HTR1F: variants seen among roughly 807,000 people sequenced by gnomAD.
HTR1F encodes 5-hydroxytryptamine (serotonin) receptor 1F, G protein-coupled.
A neutral mutation model predicts 24.0 loss-of-function variants in HTR1F; 17 were observed. The ratio of observed to expected loss-of-function variants is 0.71; its 90% CI spans 0.48 to 1.06. The LOEUF (loss-of-function observed/expected upper bound fraction) is 1.06. HTR1F is among the 50% of genes least tolerant of loss of function. The probability of loss-of-function intolerance (pLI) is 0.00; values close to 1 mark genes in which losing one functional copy is unlikely to be tolerated. For synonymous variants in HTR1F, 186 were observed against 156.8 expected, an observed-to-expected ratio of 1.19 and a Z score of -1.39; for missense variants, 391 against 427.8, an observed-to-expected ratio of 0.91 and a Z score of 0.76.
intron 2 of HTR1F, among the ~76,000 whole-genome samples, chr3:87,836,083 TA>T (rs1335304096): frequency 5.9e-5 from 9 of 152,356 alleles, no homozygotes; most frequent in African/African-American, 2.2e-4. Flanking sequence ...ATCATCCATT[TA>T]TTTTATTATC....
At chr3:87,823,217 T>G (rs2932297) in intron 2 of HTR1F, among the ~76,000 whole-genome samples, 20,696 of 152,178 alleles carry the variant, frequency 0.14, 4,392 homozygotes, top group African/African-American at 0.46. Flanking sequence ...TATTGCAAAT[T>G]TTGTAACAGT....
intron 2 of HTR1F, among the ~76,000 whole-genome samples, chr3:87,883,999 C>A (rs749629380): frequency 6.6e-6 from 1 of 152,086 alleles, no homozygotes; most frequent in African/African-American, 2.4e-5. Flanking sequence ...GAGAAAACCA[C>A]AAAGGTACTC....
At chr3:87,831,330 AATTATTATTATTATTATTATTATT>A (rs58022545) in intron 2 of HTR1F, among the ~76,000 whole-genome samples, 10 of 142,418 alleles carry the variant, frequency 7.0e-5, no homozygotes, top group African/African-American at 1.6e-4. Flanking sequence ...GATATTAAGA[AATTATTATTATTATTATTATTATT>A]ATTATTATTA....
chr3:87,806,143 C>G (rs1180504635), intron 1 of HTR1F, among the ~76,000 whole-genome samples: 1 of 152,010 alleles, frequency 6.6e-6, no homozygotes. Context: ...CCCACATTTT[C>G]TTTATTCATC....
rs1324565383 is a variant in HTR1F, at chr3:87,901,524, T to C, written c.-43+79400T>C. Among the ~76,000 whole-genome samples, 5 of 152,138 alleles carry C rather than the reference T, an allele frequency of 3.3e-5. 1 individual carries two copies. The highest frequency in any genetic ancestry group is 2.0e-4 in the Admixed American group (3 of 15,260). The stretch of plus-strand genomic sequence containing the variant: ...GTTGTACAAGCCACCCAATAAGTAG[T>C]AGTGGCCTGAGATTTTCTAGACTTC... On this transcript the variant is annotated intron_variant, in intron 2 of 2. Coordinates refer to ENST00000319595, the MANE Select transcript of HTR1F (RefSeq NM_001322209.2).
At chr3:87,799,824 G>A (rs1703964928) in intron 1 of HTR1F, among the ~76,000 whole-genome samples, 1 of 152,094 alleles carries the variant, frequency 6.6e-6, no homozygotes, top group Non-Finnish European at 1.5e-5. Flanking sequence ...CCCTCAAGAT[G>A]GTAACATGGA....
chr3:87,849,377 A>T (rs1185335534), intron 2 of HTR1F, among the ~76,000 whole-genome samples: 2 of 151,722 alleles, frequency 1.3e-5, no homozygotes, highest in East Asian at 3.8e-4. Flanking sequence ...CTATTTAATA[A>T]ATGGTGCTGG....
intron 2 of HTR1F, among the ~76,000 whole-genome samples, chr3:87,989,552 A>T (rs746576711): frequency 6.1e-4 from 93 of 152,056 alleles, no homozygotes; most frequent in Admixed American, 2.0e-3. Context: ...GGATATACTA[A>T]TTTTTTTTGC....
chr3:87,843,601 C>T (rs1165114052), intron 2 of HTR1F, among the ~76,000 whole-genome samples: 10 of 150,112 alleles, frequency 6.7e-5, no homozygotes, highest in African/African-American at 2.5e-4. Context: ...CATATGTATA[C>T]ATGTGCCATG....
At chr3:87,931,354 C>T (rs989988396) in intron 2 of HTR1F, among the ~76,000 whole-genome samples, 4 of 152,102 alleles carry the variant, frequency 2.6e-5, no homozygotes, top group African/African-American at 9.7e-5. Flanking sequence ...CAATTTCATC[C>T]ATGTCCCTAC....
chr3:87,855,220 T>C (rs1241854945), intron 2 of HTR1F, among the ~76,000 whole-genome samples: 1 of 152,102 alleles, frequency 6.6e-6, no homozygotes, highest in African/African-American at 2.4e-5. Context: ...CCTTGTGCTC[T>C]TGAAGGCTTA....
intron 2 of HTR1F, among the ~76,000 whole-genome samples, chr3:87,883,143 G>A (rs1705847923): frequency 1.3e-5 from 2 of 152,222 alleles, no homozygotes; most frequent in Non-Finnish European, 2.9e-5. Context: ...AATATTTGCT[G>A]TTCTGCAGCC....
intron 2 of HTR1F, among the ~76,000 whole-genome samples, chr3:87,989,970 A>C (rs1159716771): frequency 6.6e-6 from 1 of 152,248 alleles, no homozygotes; most frequent in Non-Finnish European, 1.5e-5. Flanking sequence ...CTTTTAATTT[A>C]TAACTGAGGT....
At chr3:87,990,017 G>A (rs1215610912) in intron 2 of HTR1F, among the ~76,000 whole-genome samples, 1 of 152,166 alleles carries the variant, frequency 6.6e-6, no homozygotes, top group Non-Finnish European at 1.5e-5. Flanking sequence ...GCCTCAGTAA[G>A]TTTACTTAAT....
chr3:87,841,761 G>C (rs893213379), intron 2 of HTR1F, among the ~76,000 whole-genome samples: 23 of 151,210 alleles, frequency 1.5e-4, no homozygotes, highest in African/African-American at 5.4e-4. Flanking sequence ...TTAGCCAGAC[G>C]TGGTGGCGCG....
chr3:87,877,818 C>T (rs1271223916), intron 2 of HTR1F, among the ~76,000 whole-genome samples: 1 of 152,148 alleles, frequency 6.6e-6, no homozygotes, highest in East Asian at 1.9e-4. Flanking sequence ...AATGTGAACA[C>T]TGTTTGTCTT....
chr3:87,975,566 T>C (rs1278339557), intron 2 of HTR1F, among the ~76,000 whole-genome samples: 4 of 152,168 alleles, frequency 2.6e-5, no homozygotes, highest in Non-Finnish European at 4.4e-5. Context: ...ATTTACTGTC[T>C]AAAACAGGAA....
chr3:87,834,797 A>C (rs1424857122), intron 2 of HTR1F, among the ~76,000 whole-genome samples: 1 of 152,228 alleles, frequency 6.6e-6, no homozygotes, highest in Non-Finnish European at 1.5e-5. Context: ...ATTATAGGAA[A>C]TTCAAATTTC....
intron 2 of HTR1F, among the ~76,000 whole-genome samples, chr3:87,868,849 C>G (rs1705482266): frequency 6.6e-6 from 1 of 151,938 alleles, no homozygotes; most frequent in African/African-American, 2.4e-5. Flanking sequence ...TTACTTACAA[C>G]AAACATTCTA....
Sources: allele counts gnomAD v4.1 joint callset (sites outside exome capture counted in the v4.1 genomes callset), GRCh38; gene constraint gnomAD v4.1.1; transcripts MANE v1.5; gene names NCBI Gene and HGNC (gene_info 2026-07-23, HGNC 2026-07-21).